The following SPSB1 variants were observed in gnomAD, a reference collection of about 807,000 sequenced individuals.
The protein encoded by SPSB1 is splA/ryanodine receptor domain and SOCS box containing 1, also known as SPRY domain-containing SOCS box protein 1.
In SPSB1, 8 loss-of-function variants were observed where a neutral mutation model predicts 21.2. That is an observed-to-expected ratio of 0.38 (90% CI 0.22 to 0.68). The LOEUF is 0.68. SPSB1 is among the 30% of genes least tolerant of loss of function. SPSB1 has a pLI of 0.53. For missense variants in SPSB1, 242 were observed against 377.8 expected, an observed-to-expected ratio of 0.64 and a Z score of 2.98; for synonymous variants, 169 against 161.7, an observed-to-expected ratio of 1.05 and a Z score of -0.34.
intron 1 of SPSB1, among the ~76,000 whole-genome samples, chr1:9,299,376 C>A (rs537018452): frequency 6.6e-6 from 1 of 152,252 alleles, no homozygotes; most frequent in Non-Finnish European, 1.5e-5. Flanking sequence ...CGGTGGCTCA[C>A]TCCTGTAATC....
chr1:9,350,707 C>T (rs1393066796), intron 1 of SPSB1, among the ~76,000 whole-genome samples: 1 of 152,222 alleles, frequency 6.6e-6, no homozygotes, highest in East Asian at 1.9e-4. Flanking sequence ...ACGCCCTTTG[C>T]GTCTGCTCCT....
chr1:9,319,329 C>T (rs888573498), intron 1 of SPSB1, among the ~76,000 whole-genome samples: 2 of 152,178 alleles, frequency 1.3e-5, no homozygotes, highest in Non-Finnish European at 2.9e-5. Flanking sequence ...CTGCCCTGGC[C>T]GTGGCATGTT....
At position 9,305,282 on chromosome 1, in the gene SPSB1, TC is replaced by T. The variant is rs1639392626; in HGVS notation, c.-150+12215del. On this transcript the variant is annotated intron_variant, in intron 1 of 2. Transcript: ENST00000328089. This position sits in a 1 kb window ranked among gnomAD's most constrained non-coding sequence, Gnocchi z 4.8. ...TTCCAAAACCGGATCCCCTCACTCC[TC>T]CCCTCTTCCCAGGGATGTCCCCTTC... Among the ~76,000 whole-genome samples the T allele has an allele frequency of 6.6e-6, 1 of 152,052 alleles. No homozygotes were observed. Among genetic ancestry groups the T allele is most frequent in the Non-Finnish European group, 1.5e-5 (1 of 68,002 alleles).
intron 2 of SPSB1, among the ~76,000 whole-genome samples, chr1:9,359,846 C>CG (rs1220143426): frequency 2.7e-5 from 1 of 37,458 alleles, no homozygotes; most frequent in African/African-American, 7.0e-5. Context: ...AGGATGGAAG[C>CG]CGGGGGGGTG....
In SPSB1 at chr1:9,367,473, G is replaced by T; in HGVS notation, c.720G>T (p.Leu240Phe). The change falls in exon 3 of 3, where the codon TTG becomes TTT. Residue 240 changes from leucine to phenylalanine, a missense_variant. Transcript: ENST00000328089. This position sits in a 1 kb window ranked among gnomAD's most constrained non-coding sequence, Gnocchi z 5.9. Reference sequence around the variant, plus strand: ...CCGAGCCGCTGCCGCTCATGGATTTGTGCCGTCGCTCGGTGCGCCTGGCCC... The same window carrying T: ...CCGAGCCGCTGCCGCTCATGGATTTTTGCCGTCGCTCGGTGCGCCTGGCCC... Reference protein sequence around the residue: ...LDPEPLPLMDLCRRSVRLALG... With the variant: ...LDPEPLPLMDFCRRSVRLALG... 1 of 1,613,794 alleles carries T rather than the reference G, an allele frequency of 6.2e-7. No homozygotes were observed.
At chr1:9,339,788 T>G (rs926033732) in intron 1 of SPSB1, among the ~76,000 whole-genome samples, 3 of 152,038 alleles carry the variant, frequency 2.0e-5, no homozygotes, top group African/African-American at 7.2e-5. Context: ...GGCAGCCTGT[T>G]TATGTGCCCT....
chr1:9,308,654 A>C (rs1380047960), intron 1 of SPSB1, among the ~76,000 whole-genome samples: 1 of 152,134 alleles, frequency 6.6e-6, no homozygotes. Context: ...TATGCTTGCC[A>C]CTGTAGATGG....
intron 1 of SPSB1, among the ~76,000 whole-genome samples, chr1:9,315,946 G>A (rs1040385687): frequency 6.6e-6 from 1 of 152,198 alleles, no homozygotes; most frequent in Admixed American, 6.5e-5. Context: ...TCACGCGTGC[G>A]GCTCCGGGCA....
chr1:9,362,012 C>G (rs1206069981), intron 2 of SPSB1, among the ~76,000 whole-genome samples: 1 of 152,254 alleles, frequency 6.6e-6, no homozygotes, highest in East Asian at 1.9e-4. Flanking sequence ...TAACGGCTCC[C>G]AGATGGGTTT....
At chr1:9,294,878 A>G (rs1222983798) in intron 1 of SPSB1, among the ~76,000 whole-genome samples, 1 of 152,074 alleles carries the variant, frequency 6.6e-6, no homozygotes, top group Non-Finnish European at 1.5e-5. Context: ...AAGCATGGGC[A>G]GCACAGGTGG....
chr1:9,330,374 A>T (rs1048500793), intron 1 of SPSB1, among the ~76,000 whole-genome samples: 3 of 152,170 alleles, frequency 2.0e-5, no homozygotes, highest in African/African-American at 7.2e-5. Context: ...CTGAGGCAGG[A>T]GAATCGCTTG....
intron 1 of SPSB1, among the ~76,000 whole-genome samples, chr1:9,296,668 T>C (rs577403446): frequency 1.3e-5 from 2 of 152,106 alleles, no homozygotes; most frequent in Non-Finnish European, 2.9e-5. Context: ...AAATACAAGA[T>C]GTCAGGTCAT....
chr1:9,349,073 T>A (rs1340388906), intron 1 of SPSB1, among the ~76,000 whole-genome samples: 1 of 152,084 alleles, frequency 6.6e-6, no homozygotes, highest in Non-Finnish European at 1.5e-5. Flanking sequence ...TCATCTGGTG[T>A]CCCCGCAGGT....
chr1:9,332,570 C>T (rs189316443), intron 1 of SPSB1, among the ~76,000 whole-genome samples: 293 of 152,202 alleles, frequency 1.9e-3, no homozygotes, highest in Non-Finnish European at 3.2e-3. Context: ...CTCCCTGGAG[C>T]CATGAGAGCA....
chr1:9,323,088 A>AT (rs1639748725), intron 1 of SPSB1, among the ~76,000 whole-genome samples: 1 of 152,126 alleles, frequency 6.6e-6, no homozygotes, highest in Non-Finnish European at 1.5e-5. Context: ...GCCCCTCCCC[A>AT]GCTCCGGCCT....
intron 1 of SPSB1, among the ~76,000 whole-genome samples, chr1:9,300,738 A>G (rs1005037925): frequency 1.3e-5 from 2 of 152,172 alleles, no homozygotes; most frequent in Non-Finnish European, 2.9e-5. Context: ...AGTGGTATAT[A>G]TGGGATCAGG....
In SPSB1 at chr1:9,293,045, A is replaced by AGCG. The variant is rs1415976165; in HGVS notation, c.-164_-162dup. Reference sequence around the variant, plus strand: ...CCGAGCCTCCTCGGCCTTGGAGAGCAGCGGCGGCGGCGGCACCCCGGGCGC... The same window carrying AGCG: ...CCGAGCCTCCTCGGCCTTGGAGAGCAGCGGCGGCGGCGGCGGCACCCCGGGCGC... On this transcript the variant is annotated 5_prime_UTR_variant, in exon 1 of 3. Transcript: ENST00000328089. The surrounding 1 kb of genome is among the most constrained non-coding windows in gnomAD (Gnocchi z 5.1). The AGCG allele has an allele frequency of 2.6e-4, 257 of 979,020 alleles. No individual in the cohort carries two copies. The African/African-American group carries it at 4.2e-3, about 16-fold the overall frequency. 60.6% of individuals were successfully genotyped at this position (979,020 alleles called of 1,614,324 possible). A position where few individuals can be genotyped will look rare whatever the true frequency, so the allele number is the denominator to read the frequency against.
chr1:9,361,175 T>TTTCTTTTTTTTTTTTTTTC (rs1462271538), intron 2 of SPSB1, among the ~76,000 whole-genome samples: 1 of 144,440 alleles, frequency 6.9e-6, no homozygotes, highest in Admixed American at 6.9e-5. Flanking sequence ...TTTTTTTTTT[T>TTTCTTTTTTTTTTTTTTTC]TTTTTTTTAG....
rs1338415127 is a variant in SPSB1 at position 9,348,266 on chromosome 1, C to A, written c.-149-7477C>A. On this transcript the variant is annotated intron_variant, in intron 1 of 2. Coordinates refer to ENST00000328089, the MANE Select transcript of SPSB1 (RefSeq NM_025106.4). The surrounding 1 kb of genome is among the most constrained non-coding windows in gnomAD (Gnocchi z 4.8). ...ACTTTTTTTAACCCTGGGCATCCCA[C>A]AGCACTGTCTCGCTCCTGTCTCGGC... is the stretch of plus-strand genomic sequence containing the variant. Among the ~76,000 whole-genome samples the A allele has an allele frequency of 3.9e-5, 6 of 151,978 alleles. No individual in the cohort carries two copies. The highest frequency in any genetic ancestry group is 3.9e-4 in the Admixed American group (6 of 15,254).
Sources: gnomAD v4.1 joint callset for allele counts (sites outside exome capture counted in the v4.1 genomes callset) on GRCh38, gnomAD v4.1.1 for gene constraint, Gnocchi (gnomAD v3.1) non-coding constraint, MANE v1.5 for transcripts, NCBI Gene and HGNC (gene_info 2026-07-23, HGNC 2026-07-21) for gene names.